The following SLC25A21 variants were observed in gnomAD, a reference collection of about 807,000 sequenced individuals.
SLC25A21 encodes the protein mitochondrial 2-oxodicarboxylate carrier.
A neutral mutation model predicts 43.8 loss-of-function variants in SLC25A21; 47 were observed. The observed-to-expected ratio is 1.07, with a 90% CI of 0.85 to 1.37. SLC25A21 has a LOEUF of 1.37. SLC25A21 is among the 40% of genes most tolerant of loss of function. The pLI, the probability that SLC25A21 is intolerant of heterozygous loss-of-function variation, is 0.00. For synonymous variants in SLC25A21, 131 were observed against 121.3 expected, an observed-to-expected ratio of 1.08 and a Z score of -0.52; for missense variants, 352 against 350.2, an observed-to-expected ratio of 1.00 and a Z score of -0.04.
chr14:37,017,488 T>G (rs866509096), intron 1 of SLC25A21, among the ~76,000 whole-genome samples: 1 of 151,988 alleles, frequency 6.6e-6, no homozygotes, highest in Non-Finnish European at 1.5e-5. Context: ...TCATAACAGA[T>G]GTAATAATAA....
chr14:37,068,538 T>C (rs1962107135), intron 1 of SLC25A21, among the ~76,000 whole-genome samples: 1 of 152,216 alleles, frequency 6.6e-6, no homozygotes, highest in Admixed American at 6.5e-5. Flanking sequence ...TATAATTGCA[T>C]CACATAGCTA....
intron 1 of SLC25A21, among the ~76,000 whole-genome samples, chr14:37,156,487 C>T (rs1360698524): frequency 6.6e-6 from 1 of 151,954 alleles, no homozygotes; most frequent in African/African-American, 2.4e-5. Context: ...AACGGCTAAA[C>T]AGATTTTTTA....
intron 1 of SLC25A21, among the ~76,000 whole-genome samples, chr14:36,942,145 T>C (rs1453189388): frequency 6.6e-6 from 1 of 152,102 alleles, no homozygotes; most frequent in African/African-American, 2.4e-5. Context: ...GCTTAAGAGT[T>C]TGAACTAAAA....
At chr14:36,691,725 C>T (rs1882802759) in intron 7 of SLC25A21, among the ~76,000 whole-genome samples, 1 of 152,168 alleles carries the variant, frequency 6.6e-6, no homozygotes, top group South Asian at 2.1e-4. Context: ...AAATCTGTTA[C>T]TGCAATAGCC....
chr14:36,984,650 C>T (rs72667340), intron 1 of SLC25A21, among the ~76,000 whole-genome samples: 13,614 of 151,592 alleles, frequency 0.09, 689 homozygotes, highest in African/African-American at 0.13. Flanking sequence ...TCATTTTTTA[C>T]CTGGTGATTT....
Position 36,678,791 on chromosome 14 carries a change from T to TGAA in SLC25A21, c.*1864_*1866dup, listed in dbSNP as rs1465983432. On this transcript the variant is annotated 3_prime_UTR_variant, in exon 10 of 10. Transcript: ENST00000331299. ...TTAAAAAATCTAATATTAATGGTATTGAAGTTTCCTTTTCTCCCTCTAGGT... is the reference window on the plus strand; with the variant it reads ...TTAAAAAATCTAATATTAATGGTATTGAAGAAGTTTCCTTTTCTCCCTCTAGGT... 8 of 1,029,998 alleles carry TGAA rather than the reference T, an allele frequency of 7.8e-6. No individual in the cohort carries two copies. The highest frequency in any genetic ancestry group is 9.4e-6 in the Non-Finnish European group (8 of 848,586). 63.8% of individuals were successfully genotyped at this position (1,029,998 alleles called of 1,614,324 possible).
At chr14:37,032,766 C>A (rs1961246367) in intron 1 of SLC25A21, among the ~76,000 whole-genome samples, 1 of 151,404 alleles carries the variant, frequency 6.6e-6, no homozygotes. Flanking sequence ...TTAGAACTGG[C>A]AATGGATATG....
chr14:37,156,809 A>T (rs544826616), intron 1 of SLC25A21, among the ~76,000 whole-genome samples: 1 of 152,316 alleles, frequency 6.6e-6, no homozygotes, highest in East Asian at 1.9e-4. Context: ...AAAGAGAGAG[A>T]TAGACTCCAA....
At chr14:36,959,691 T>C (rs770084404) in intron 1 of SLC25A21, among the ~76,000 whole-genome samples, 1 of 152,196 alleles carries the variant, frequency 6.6e-6, no homozygotes, top group Non-Finnish European at 1.5e-5. Flanking sequence ...TGAATCTAGA[T>C]TCCACAATGT....
At chr14:36,917,262 C>T (rs1438421332) in intron 1 of SLC25A21, among the ~76,000 whole-genome samples, 1 of 152,040 alleles carries the variant, frequency 6.6e-6, no homozygotes, top group African/African-American at 2.4e-5. Context: ...TCACCCCTAC[C>T]CTGGCCTCTT....
At chr14:36,764,079 A>AAGGAAG (rs1555326614) in intron 3 of SLC25A21, among the ~76,000 whole-genome samples, 1 of 41,868 alleles carries the variant, frequency 2.4e-5, no homozygotes, top group African/African-American at 2.0e-4. Flanking sequence ...AAAGAAAGAA[A>AAGGAAG]GAAGGAAGGA....
At chr14:36,968,334 C>A (rs1255010559) in intron 1 of SLC25A21, among the ~76,000 whole-genome samples, 2 of 152,162 alleles carry the variant, frequency 1.3e-5, no homozygotes, top group Non-Finnish European at 2.9e-5. Context: ...TGCTGATTGA[C>A]AAGAAGTCAC....
chr14:37,161,946 G>A (rs1316009068), intron 1 of SLC25A21, among the ~76,000 whole-genome samples: 4 of 117,980 alleles, frequency 3.4e-5, no homozygotes, highest in East Asian at 2.7e-4. Context: ...CTGGGCGACA[G>A]AGCGAGACTC....
chr14:37,024,319 T>A (rs1211343496), intron 1 of SLC25A21, among the ~76,000 whole-genome samples: 1 of 152,048 alleles, frequency 6.6e-6, no homozygotes, highest in East Asian at 1.9e-4. Flanking sequence ...CTAATCCTTG[T>A]CAACTGTCTA....
At chr14:36,912,468 C>T (rs1028069714) in intron 1 of SLC25A21, among the ~76,000 whole-genome samples, 1 of 152,128 alleles carries the variant, frequency 6.6e-6, no homozygotes, top group African/African-American at 2.4e-5. Flanking sequence ...GCAGCAGGCA[C>T]TAAACAAATC....
chr14:36,840,300 A>G (rs1011731831), intron 2 of SLC25A21, among the ~76,000 whole-genome samples: 5 of 152,172 alleles, frequency 3.3e-5, no homozygotes, highest in African/African-American at 1.2e-4. Context: ...CAGTGTGAGT[A>G]GAGGGAAGAG....
intron 2 of SLC25A21, among the ~76,000 whole-genome samples, chr14:36,856,014 G>C (rs182660624): frequency 6.6e-6 from 1 of 152,246 alleles, no homozygotes; most frequent in East Asian, 1.9e-4. Flanking sequence ...ACAGGGCCTT[G>C]CAACAAAGAA....
intron 1 of SLC25A21, among the ~76,000 whole-genome samples, chr14:37,072,617 C>A (rs921172080): frequency 2.6e-5 from 4 of 152,116 alleles, no homozygotes; most frequent in Admixed American, 2.6e-4. Context: ...CGTGGTGGTG[C>A]ACACCTCTAG....
At chr14:37,090,568 AG>A (rs917970664) in intron 1 of SLC25A21, among the ~76,000 whole-genome samples, 1 of 152,236 alleles carries the variant, frequency 6.6e-6, no homozygotes, top group Non-Finnish European at 1.5e-5. Context: ...ATTTCATTGA[AG>A]CCAATAAATC....
Sources: gnomAD v4.1 joint callset for allele counts (sites outside exome capture counted in the v4.1 genomes callset) on GRCh38, gnomAD v4.1.1 for gene constraint, MANE v1.5 for transcripts, NCBI Gene and HGNC (gene_info 2026-07-23, HGNC 2026-07-21) for gene names.